The following PLAC1 variants were observed in gnomAD, a reference collection of about 807,000 sequenced individuals.
The protein encoded by PLAC1 is placenta associated 1.
For synonymous variants in PLAC1, 68 were observed against 62.1 expected (o/e 1.09, Z -0.44); for missense variants, 136 against 163.2 (o/e 0.83, Z 0.91).
chrX:134,569,929 G>A lies in PLAC1; in HGVS notation c.-58-3189C>T, dbSNP rs757266188. Among the ~76,000 whole-genome samples the A allele has an allele frequency of 1.3e-3, 139 of 110,525 alleles. 1 individual carries two copies. Among genetic ancestry groups the A allele is most frequent in the African/African-American group, 4.3e-3 (132 of 30,380 alleles). ...CAACCTCCGCCTCCTGGGTTCAAGC[G>A]ATTCTTCTGCCTCAGCCTCCCAAGT... On this transcript the variant is annotated intron_variant, in intron 2 of 2. Transcript: ENST00000359237.
chrX:134,616,114 G>T (rs148466751), intron 1 of PLAC1, among the ~76,000 whole-genome samples: 1,383 of 110,667 alleles, frequency 0.012, 26 homozygotes, highest in African/African-American at 0.042. Flanking sequence ...CTGGTAGCTA[G>T]AACTACAGGC....
intron 1 of PLAC1, among the ~76,000 whole-genome samples, chrX:134,762,596 G>A (rs2078772357): frequency 9.1e-6 from 1 of 110,436 alleles, no homozygotes; most frequent in Admixed American, 9.7e-5. Flanking sequence ...TTGGGAGGCC[G>A]AGGCGGGTGG....
rs759503480 is a variant in PLAC1, at chrX:134,653,649, C to T, written c.-131+4679G>A. On this transcript the variant is annotated intron_variant, in intron 1 of 2. Transcript: ENST00000359237. ...ATATGGCTTCATGGGTCTGTGGGCACACAAGGCCCCTCAGAGCTCCTGCTC... is the reference window on the plus strand; with the variant it reads ...ATATGGCTTCATGGGTCTGTGGGCATACAAGGCCCCTCAGAGCTCCTGCTC... Among the ~76,000 whole-genome samples, 24 of 111,460 alleles carry T rather than the reference C, an allele frequency of 2.2e-4. 1 individual carries two copies. The South Asian group carries it at 3.1e-3, about 14-fold the overall frequency.
chrX:134,726,745 C>T (rs777310658), intron 2 of PLAC1, among the ~76,000 whole-genome samples: 6 of 103,475 alleles, frequency 5.8e-5, no homozygotes, highest in African/African-American at 2.2e-4. Flanking sequence ...ATCACTTGAA[C>T]CCAGAAGGTG....
At chrX:134,659,377 G>A (rs969075941), upstream of PLAC1, among the ~76,000 whole-genome samples, 1 of 111,401 alleles carries the variant, frequency 9.0e-6, no homozygotes, top group Admixed American at 9.6e-5. Flanking sequence ...GAAATGAAGA[G>A]GGAGCTCAAA....
chrX:134,591,504 A>G (rs2124376041), intron 2 of PLAC1, among the ~76,000 whole-genome samples: 1 of 112,707 alleles, frequency 8.9e-6, no homozygotes, highest in South Asian at 3.7e-4. Context: ...GTTATTGTCC[A>G]TTCTTTTTTA....
intron 1 of PLAC1, among the ~76,000 whole-genome samples, chrX:134,621,345 C>T (rs1259151297): frequency 1.0e-5 from 1 of 99,314 alleles, no homozygotes; most frequent in African/African-American, 3.7e-5. Context: ...ACTTGAGAGG[C>T]TGAGGCAGGA....
intron 2 of PLAC1, chrX:134,599,481 C>A (rs1399901150): frequency 1.8e-5 from 2 of 111,887 alleles, no homozygotes; most frequent in Non-Finnish European, 3.8e-5. Flanking sequence ...GCTTCCCCTT[C>A]CGCCATGAGT....
At chrX:134,756,848 C>CA (rs796120644) in intron 1 of PLAC1, among the ~76,000 whole-genome samples, 2,109 of 86,319 alleles carry the variant, frequency 0.024, 63 homozygotes, top group African/African-American at 0.08. Context: ...GACTCCGTCT[C>CA]AAAAAAAAAA....
At chrX:134,598,863 T>C (rs4830299) in intron 2 of PLAC1, among the ~76,000 whole-genome samples, 49,877 of 110,053 alleles carry the variant, frequency 0.45, 8,824 homozygotes, top group East Asian at 0.9. Context: ...CTGATTAGCT[T>C]GAGCTGTTAG....
At chrX:134,661,395 G>A (rs140548392), upstream of PLAC1, among the ~76,000 whole-genome samples, 542 of 111,921 alleles carry the variant, frequency 4.8e-3, 5 homozygotes, top group African/African-American at 0.016. Context: ...ATAAATGAAT[G>A]AGCACCATGA....
chrX:134,687,937 G>C (rs1276425490), intron 2 of PLAC1, among the ~76,000 whole-genome samples: 1 of 97,624 alleles, frequency 1.0e-5, no homozygotes, highest in Non-Finnish European at 2.0e-5. Flanking sequence ...TCTTAGTGAC[G>C]CCTCACAGTG....
At chrX:134,621,470 A>G (rs1006774119) in intron 1 of PLAC1, among the ~76,000 whole-genome samples, 10 of 104,620 alleles carry the variant, frequency 9.6e-5, no homozygotes, top group Non-Finnish European at 1.9e-4. Context: ...AAAAAAAAAA[A>G]AAAGAAAAGA....
At chrX:134,691,918 C>T (rs1264673213) in intron 2 of PLAC1, among the ~76,000 whole-genome samples, 2 of 112,111 alleles carry the variant, frequency 1.8e-5, no homozygotes, top group Non-Finnish European at 3.8e-5. Context: ...TCACTTTGAA[C>T]ATGAGCAAGG....
rs370781840 is a variant in PLAC1, at chrX:134,652,179, C to T, written c.-131+6149G>A. ...AATATCTAGTTAGTTCAGGCAGACTCGGAAAAGAGCTTAGGCTGGAATTGC... is the reference window on the plus strand; with the variant it reads ...AATATCTAGTTAGTTCAGGCAGACTTGGAAAAGAGCTTAGGCTGGAATTGC... On this transcript the variant is annotated intron_variant, in intron 1 of 2. Coordinates refer to ENST00000359237, the MANE Select transcript of PLAC1 (RefSeq NM_021796.4). Among the ~76,000 whole-genome samples the T allele has an allele frequency of 8.1e-4, 91 of 111,666 alleles. No homozygotes were observed. The South Asian group carries it at 0.033, about 40-fold the overall frequency.
intron 2 of PLAC1, among the ~76,000 whole-genome samples, chrX:134,598,317 TG>T (rs937180428): frequency 2.7e-5 from 3 of 112,266 alleles, no homozygotes; most frequent in Admixed American, 9.4e-5. Context: ...GCTGAACTGG[TG>T]ACAGATTCCT....
chrX:134,761,193 A>AAG lies in PLAC1; in HGVS notation n.89+3040_89+3041insCT, dbSNP rs1556207876. 4.9e-3 allele frequency among the ~76,000 whole-genome samples: 544 copies of AAG among 111,588 alleles called. 2 individuals carry two copies. Among genetic ancestry groups the AAG allele is most frequent in the African/African-American group, 0.016 (476 of 30,512 alleles). On this transcript the variant is annotated intron_variant and non_coding_transcript_variant, in intron 1 of 2. Transcript: ENST00000466797. ...TTTGTGTAAAATTTCAGGAAAAAAAAAATATATAGATGGATTTGTTTACAT... is the reference window on the plus strand; with the variant it reads ...TTTGTGTAAAATTTCAGGAAAAAAAAAGAATATATAGATGGATTTGTTTACAT...
At chrX:134,696,794 C>T (rs144471131) in intron 2 of PLAC1, among the ~76,000 whole-genome samples, 6,086 of 109,718 alleles carry the variant, frequency 0.055, 184 homozygotes, top group East Asian at 0.16. Context: ...TTTGGGAGGC[C>T]GAGGCGGGAG....
chrX:134,726,325 C>T (rs1254757790), intron 2 of PLAC1, among the ~76,000 whole-genome samples: 2 of 111,325 alleles, frequency 1.8e-5, no homozygotes, highest in Non-Finnish European at 3.8e-5. Context: ...AGTGAGGGGT[C>T]TCCTTGCAGA....
Sources: gnomAD v4.1 joint callset for allele counts (sites outside exome capture counted in the v4.1 genomes callset) on GRCh38, gnomAD v4.1.1 for gene constraint, MANE v1.5 for transcripts, NCBI Gene and HGNC (gene_info 2026-07-23, HGNC 2026-07-21) for gene names.